The following ELMO1 variants were observed in gnomAD, a reference collection of about 807,000 sequenced individuals.
ELMO1 encodes engulfment and cell motility protein 1.
ELMO1 carries 26 observed loss-of-function variants against 98.9 expected under a neutral mutation model. The observed-to-expected ratio is 0.26, with a 90% CI of 0.19 to 0.36. ELMO1 has a LOEUF of 0.36. Among genes scored for constraint, ELMO1 ranks in the 10% least tolerant of loss-of-function variants. ELMO1 has a pLI of 1.00. For synonymous variants in ELMO1, 346 were observed against 346.0 expected, an observed-to-expected ratio of 1.00 and a Z score of 0.00; for missense variants, 627 against 935.2, an observed-to-expected ratio of 0.67 and a Z score of 4.30.
At chr7:37,121,787 T>C (rs572747940) in intron 14 of ELMO1, among the ~76,000 whole-genome samples, 1 of 152,226 alleles carries the variant, frequency 6.6e-6, no homozygotes, top group African/African-American at 2.4e-5. Flanking sequence ...GCCACAAAGA[T>C]ACTCCTCGAG....
chr7:37,251,900 A>T (rs1392908157), intron 6 of ELMO1, among the ~76,000 whole-genome samples: 1 of 152,236 alleles, frequency 6.6e-6, no homozygotes, highest in Non-Finnish European at 1.5e-5. Flanking sequence ...ATACAAAATC[A>T]ATGTGCAAAA....
intron 13 of ELMO1, among the ~76,000 whole-genome samples, chr7:37,209,658 T>G (rs946600935): frequency 1.3e-5 from 2 of 152,198 alleles, no homozygotes; most frequent in Admixed American, 6.5e-5. Context: ...CGATATGTCT[T>G]GCTTACCACA....
intron 18 of ELMO1, among the ~76,000 whole-genome samples, chr7:36,886,033 C>T (rs544771850): frequency 6.6e-6 from 1 of 152,290 alleles, no homozygotes; most frequent in African/African-American, 2.4e-5. Context: ...TGCCTGGTTC[C>T]AGGGCTATGT....
chr7:37,226,568 T>A (rs935810613), intron 8 of ELMO1, among the ~76,000 whole-genome samples: 2 of 152,120 alleles, frequency 1.3e-5, no homozygotes, highest in Non-Finnish European at 1.5e-5. Flanking sequence ...CTCGGCATAA[T>A]TCTTGGCACT....
At chr7:37,430,614 A>T (rs890518476) in intron 1 of ELMO1, among the ~76,000 whole-genome samples, 1 of 152,240 alleles carries the variant, frequency 6.6e-6, no homozygotes, top group Non-Finnish European at 1.5e-5. Context: ...CTCTGAGCTC[A>T]CCGGTGTCTC....
chr7:37,386,790 C>G (rs776473940), intron 1 of ELMO1, among the ~76,000 whole-genome samples: 1 of 152,182 alleles, frequency 6.6e-6, no homozygotes, highest in Non-Finnish European at 1.5e-5. Flanking sequence ...CATCCCCTGC[C>G]GAATTTTGGT....
At chr7:37,296,819 TATA>T (rs1280618773) in intron 4 of ELMO1, among the ~76,000 whole-genome samples, 1 of 152,216 alleles carries the variant, frequency 6.6e-6, no homozygotes, top group Non-Finnish European at 1.5e-5. Context: ...ACTCCTTTCT[TATA>T]ATAAATACTG....
intron 16 of ELMO1, among the ~76,000 whole-genome samples, chr7:36,917,690 T>C (rs1784809341): frequency 6.6e-6 from 1 of 152,166 alleles, no homozygotes; most frequent in African/African-American, 2.4e-5. Flanking sequence ...TAAAACAATC[T>C]GAAATTAAAG....
intron 2 of ELMO1, among the ~76,000 whole-genome samples, chr7:37,331,904 G>C (rs533959752): frequency 1.0e-3 from 23 of 21,982 alleles, no homozygotes; most frequent in African/African-American, 4.7e-3. Context: ...GAGGTGGGAG[G>C]AACAACAAGG....
chr7:36,859,620 C>G (rs1228401312), intron 21 of ELMO1, among the ~76,000 whole-genome samples: 3 of 152,192 alleles, frequency 2.0e-5, no homozygotes, highest in African/African-American at 7.2e-5. Flanking sequence ...GCTCTGTCCT[C>G]TTACTACTTG....
chr7:36,934,906 G>A (rs946262228), intron 16 of ELMO1, among the ~76,000 whole-genome samples: 7 of 152,334 alleles, frequency 4.6e-5, no homozygotes, highest in South Asian at 2.1e-4. Flanking sequence ...ACTTGAGTGA[G>A]ATGCCAGGGA....
intron 15 of ELMO1, among the ~76,000 whole-genome samples, chr7:37,038,917 G>C (rs1795340813): frequency 6.6e-6 from 1 of 152,062 alleles, no homozygotes; most frequent in Non-Finnish European, 1.5e-5. Context: ...CCATTATGAG[G>C]GCCCCACCCT....
intron 16 of ELMO1, among the ~76,000 whole-genome samples, chr7:36,960,057 T>C (rs1024080572): frequency 6.6e-6 from 1 of 152,218 alleles, no homozygotes; most frequent in African/African-American, 2.4e-5. Flanking sequence ...TCCTGTCCAT[T>C]GGTCTCCCCT....
chr7:37,272,345 C>A (rs925010909), intron 4 of ELMO1, among the ~76,000 whole-genome samples: 7 of 152,094 alleles, frequency 4.6e-5, no homozygotes, highest in Non-Finnish European at 7.4e-5. Context: ...GTGGTCTATC[C>A]GTTCCACAGA....
chr7:37,329,668 C>G (rs954447033), intron 2 of ELMO1, among the ~76,000 whole-genome samples: 15 of 152,148 alleles, frequency 9.9e-5, no homozygotes, highest in African/African-American at 3.6e-4. Context: ...AATGCAAGTC[C>G]ACCTAAACAG....
At chr7:36,871,604 T>G (rs909196426) in intron 19 of ELMO1, among the ~76,000 whole-genome samples, 1 of 152,128 alleles carries the variant, frequency 6.6e-6, no homozygotes, top group African/African-American at 2.4e-5. Flanking sequence ...TTCCTTAGAC[T>G]CTCTTAATGA....
chr7:36,867,468 C>A (rs751389225), intron 20 of ELMO1, among the ~76,000 whole-genome samples: 18 of 152,032 alleles, frequency 1.2e-4, no homozygotes, highest in Admixed American at 6.6e-5. Context: ...AAAGTACCAG[C>A]TTTTGGTTTT....
chr7:36,919,542 T>C (rs1449150455), intron 16 of ELMO1: 2 of 380,780 alleles, frequency 5.3e-6, no homozygotes, highest in East Asian at 7.5e-5. Flanking sequence ...GATAATGGCA[T>C]CAACCTTGCT....
intron 15 of ELMO1, among the ~76,000 whole-genome samples, chr7:37,048,634 C>T (rs1795931357): frequency 6.6e-6 from 1 of 152,170 alleles, no homozygotes; most frequent in Admixed American, 6.5e-5. Context: ...AACAAGTAAA[C>T]AATGTATATT....
Sources: allele counts gnomAD v4.1 joint callset (sites outside exome capture counted in the v4.1 genomes callset), GRCh38; gene constraint gnomAD v4.1.1; transcripts MANE v1.5; gene names NCBI Gene and HGNC (gene_info 2026-07-23, HGNC 2026-07-21).